The following ELAPOR1 variants were observed in gnomAD, a reference collection of about 807,000 sequenced individuals.
ELAPOR1 encodes the protein endosome-lysosome associated apoptosis and autophagy regulator 1, also known as endosome/lysosome-associated apoptosis and autophagy regulator 1.
ELAPOR1 carries 77 observed loss-of-function variants against 119.7 expected under a neutral mutation model. The ratio of observed to expected loss-of-function variants is 0.64; its 90% CI spans 0.54 to 0.78. The LOEUF is 0.78. Ranked by LOEUF, ELAPOR1 falls within the 30% of genes least tolerant of loss-of-function variation. ELAPOR1 has a pLI of 0.00. For missense variants in ELAPOR1, 1,115 were observed against 1,270.4 expected (o/e 0.88, Z 1.86); for synonymous variants, 481 against 487.2 (o/e 0.99, Z 0.17).
chr1:109,161,409 CAAAAAAA>C (rs59573644), intron 1 of ELAPOR1, among the ~76,000 whole-genome samples: 5 of 56,332 alleles, frequency 8.9e-5, no homozygotes, highest in Non-Finnish European at 1.1e-4. Context: ...GACTCCGTCT[CAAAAAAA>C]AAAAAAAAAA....
chr1:109,173,699 A>C lies in ELAPOR1; in HGVS notation c.814A>C (p.Thr272Pro). ...RNIAITGVAY[T>P]SECFPCKPGT... Reference sequence around the variant, plus strand: ...TTCCTCCTCCCTAGGGGTGGCCTACACTTCAGAATGCTTCCCCTGCAAACC... The same window carrying C: ...TTCCTCCTCCCTAGGGGTGGCCTACCCTTCAGAATGCTTCCCCTGCAAACC... Residue 272 changes from threonine to proline, a missense_variant, in exon 7 of 22, where the codon ACT (threonine) becomes CCT (proline). Physicochemically the swap from Thr to Pro is conservative, Grantham distance 38 (BLOSUM62 -1). Coordinates refer to ENST00000369939, the MANE Select transcript of ELAPOR1 (RefSeq NM_020775.5). 1 of 1,614,100 alleles carries C rather than the reference A, an allele frequency of 6.2e-7. No homozygotes were observed.
intron 21 of ELAPOR1, among the ~76,000 whole-genome samples, chr1:109,202,491 G>C (rs1322729793): frequency 6.6e-6 from 1 of 151,750 alleles, no homozygotes; most frequent in Non-Finnish European, 1.5e-5. Context: ...GCCCAGGCTG[G>C]AGTGCAGTGG....
chr1:109,114,356 C>A lies in ELAPOR1; in HGVS notation c.153+20C>A, dbSNP rs767766964. 3.2e-6 allele frequency: 5 copies of A among 1,559,488 alleles called. No individual in the cohort carries two copies. In the East Asian group the frequency reaches 1.2e-4, roughly 37 times the overall value. ...AAAGAGGTACTGCCGCCCCCCTACC[C>A]GATCCCGCTTTGGTCACAAAAGTCT... On this transcript the variant is annotated intron_variant, in intron 1 of 21. Transcript: ENST00000369939.
At chr1:109,191,503 C>A in intron 12 of ELAPOR1, 32 bp downstream of exon 12, 1 of 1,581,430 alleles carries the variant, frequency 6.3e-7, no homozygotes, top group Non-Finnish European at 8.7e-7. Context: ...CGCTAGAGGG[C>A]CTCCAGGGGA....
Position 109,114,334 on chromosome 1 carries a change from G to T in ELAPOR1, c.151G>T (p.Glu51Ter). 1 of 1,586,134 alleles carries T rather than the reference G, an allele frequency of 6.3e-7. No homozygotes were observed. The highest frequency in any genetic ancestry group is 1.3e-5 in the African/African-American group (1 of 74,220). The change falls in exon 1 of 22, where the codon GAG (glutamate) becomes TAG (stop). Residue 51 changes from glutamate to a stop codon, truncating the protein, a stop_gained and splice_region_variant. Coordinates refer to ENST00000369939, the MANE Select transcript of ELAPOR1 (RefSeq NM_020775.5). LOFTEE classifies it high-confidence loss of function. ...GGGACCGGAGCTTCATGCCTGCAAA[G>T]AGGTACTGCCGCCCCCCTACCCGAT... The part of the protein sequence containing the change: ...GTGPELHACK[E>*]SEYHYEYTAC...
At chr1:109,184,863 T>C (rs771536856) in intron 7 of ELAPOR1, among the ~76,000 whole-genome samples, 182 bp from the exon 8 acceptor site, 15 of 152,104 alleles carry the variant, frequency 9.9e-5, no homozygotes, top group African/African-American at 3.6e-4. Context: ...TTGAGCAGGG[T>C]TGGGGAACTG....
chr1:109,188,850 G>A (rs1653239037), intron 9 of ELAPOR1, among the ~76,000 whole-genome samples: 1 of 152,202 alleles, frequency 6.6e-6, no homozygotes, highest in South Asian at 2.1e-4. Context: ...TAGGATGGTT[G>A]GCATATTGGA....
At chr1:109,172,664 AATGTC>A (rs1451349276) in intron 5 of ELAPOR1, 96 bp downstream of exon 5, 1 of 851,014 alleles carries the variant, frequency 1.2e-6, no homozygotes, top group Admixed American at 2.1e-5. Context: ...CCTCCACCCC[AATGTC>A]CCTGGAGGGC....
Position 109,197,960 on chromosome 1 carries a change from A to G in ELAPOR1, c.2303-19A>G, listed in dbSNP as rs770096900. Reference sequence around the variant, plus strand: ...CTAATGCTACTAGTGAGAACTAATTAGGAGCTCTAATTTGGCAGGGGTGAC... The same window carrying G: ...CTAATGCTACTAGTGAGAACTAATTGGGAGCTCTAATTTGGCAGGGGTGAC... On this transcript the variant is annotated intron_variant, in intron 16 of 21. Transcript: ENST00000369939. 1 of 1,601,636 alleles carries G rather than the reference A, an allele frequency of 6.2e-7. No individual in the cohort carries two copies. Among genetic ancestry groups the G allele is most frequent in the Middle Eastern group, 1.7e-4 (1 of 6,036 alleles).
chr1:109,129,695 C>G (rs1027094544), intron 1 of ELAPOR1, among the ~76,000 whole-genome samples: 8 of 152,150 alleles, frequency 5.3e-5, no homozygotes, highest in African/African-American at 1.7e-4. Context: ...GCTTCATACC[C>G]CAGTTGGAGC....
At chr1:109,122,196 A>C (rs1648473432) in intron 1 of ELAPOR1, among the ~76,000 whole-genome samples, 1 of 151,406 alleles carries the variant, frequency 6.6e-6, no homozygotes, top group African/African-American at 2.4e-5. Context: ...CATCCTCCCG[A>C]ATAGCTGGGA....
In ELAPOR1 at chr1:109,199,875, T is replaced by C; in HGVS notation, c.2523T>C (p.Cys841=). ...CTAGAACGTGCTCGGATGGGACCTGTGATGGCTGCAACTTCCACTTCCTGT... is the reference window on the plus strand; with the variant it reads ...CTAGAACGTGCTCGGATGGGACCTGCGATGGCTGCAACTTCCACTTCCTGT... The part of the protein sequence containing the change: ...LLPGTCSDGT[C]DGCNFHFLWE... Residue 841 remains cysteine, a synonymous_variant, in exon 19 of 22, where the codon TGT becomes TGC. Transcript: ENST00000369939. 6.2e-7 allele frequency: 1 copy of C among 1,613,102 alleles called. No individual in the cohort carries two copies. Among genetic ancestry groups the C allele is most frequent in the Non-Finnish European group, 8.5e-7 (1 of 1,180,022 alleles).
chr1:109,158,992 G>T (rs1315818033), intron 1 of ELAPOR1, among the ~76,000 whole-genome samples: 1 of 151,462 alleles, frequency 6.6e-6, no homozygotes, highest in African/African-American at 2.4e-5. Context: ...CCCACTCCCA[G>T]GTTCAAGCGA....
At chr1:109,124,998 G>A (rs181349651) in intron 1 of ELAPOR1, among the ~76,000 whole-genome samples, 515 of 151,850 alleles carry the variant, frequency 3.4e-3, no homozygotes, top group Non-Finnish European at 4.9e-3. Flanking sequence ...GTGTAATCTC[G>A]GCTCACTGCA....
At chr1:109,155,444 C>T (rs1650820716) in intron 1 of ELAPOR1, among the ~76,000 whole-genome samples, 1 of 152,160 alleles carries the variant, frequency 6.6e-6, no homozygotes, top group African/African-American at 2.4e-5. Flanking sequence ...TCCCAAAGTG[C>T]TGGGATTACA....
At chr1:109,186,441 C>T (rs1045782714) in intron 8 of ELAPOR1, 54 of 950,548 alleles carry the variant, frequency 5.7e-5, no homozygotes, top group Admixed American at 2.5e-4. Context: ...GCTGGCTGGG[C>T]GGCTGACTGA....
chr1:109,198,037 G>A lies in ELAPOR1; in HGVS notation c.2361G>A (p.Leu787=), dbSNP rs1570731581. The change falls in exon 17 of 22, where the codon CTG becomes CTA. Residue 787 remains leucine, a synonymous_variant. Coordinates refer to ENST00000369939, the MANE Select transcript of ELAPOR1 (RefSeq NM_020775.5). ...CCTCCCCAGCTGAACTTTTCCACCT[G>A]GAGTCCTTGGGAATACCGGACGTGA... ...GITSPAELFH[L]ESLGIPDVIF... 1.2e-6 allele frequency: 2 copies of A among 1,613,926 alleles called. No homozygotes were observed. Among genetic ancestry groups the A allele is most frequent in the Non-Finnish European group, 1.7e-6 (2 of 1,179,928 alleles).
chr1:109,193,077 A>C (rs1473753618), intron 14 of ELAPOR1, among the ~76,000 whole-genome samples: 2 of 152,074 alleles, frequency 1.3e-5, no homozygotes, highest in African/African-American at 2.4e-5. Context: ...TCCAGGACTC[A>C]GTCACTGACA....
chr1:109,145,883 T>C (rs936738096), intron 1 of ELAPOR1, among the ~76,000 whole-genome samples: 1 of 151,890 alleles, frequency 6.6e-6, no homozygotes, highest in African/African-American at 2.4e-5. Flanking sequence ...GAATGAGAAA[T>C]AGAATAGAAA....
Sources: gnomAD v4.1 joint callset for allele counts (sites outside exome capture counted in the v4.1 genomes callset) on GRCh38, gnomAD v4.1.1 for gene constraint, MANE v1.5 for transcripts, NCBI Gene and HGNC (gene_info 2026-07-23, HGNC 2026-07-21) for gene names.